PPM1B: variants seen among roughly 807,000 people sequenced by gnomAD.
PPM1B encodes the protein protein phosphatase 1B.
PPM1B carries 22 observed loss-of-function variants against 43.0 expected under a neutral mutation model. That is an observed-to-expected ratio of 0.51 (90% CI 0.37 to 0.73). The LOEUF (loss-of-function observed/expected upper bound fraction) is 0.73, where lower values mean the gene tolerates loss of function less well. PPM1B is among the 30% of genes least tolerant of loss of function. The pLI, the probability that PPM1B is intolerant of heterozygous loss-of-function variation, is 0.00. For missense variants in PPM1B, 632 were observed against 584.2 expected (o/e 1.08, Z -0.84); for synonymous variants, 217 against 197.9 (o/e 1.10, Z -0.81).
At chr2:44,228,040 G>C (rs1365807648) in intron 5 of PPM1B, among the ~76,000 whole-genome samples, 2 of 149,724 alleles carry the variant, frequency 1.3e-5, no homozygotes, top group East Asian at 2.0e-4. Context: ...TCCTGCCTCA[G>C]CCTCCCGGAG....
chr2:44,220,175 A>C (rs1669908746), intron 5 of PPM1B, among the ~76,000 whole-genome samples: 1 of 151,968 alleles, frequency 6.6e-6, no homozygotes, highest in Non-Finnish European at 1.5e-5. Flanking sequence ...CTCAGAAGAC[A>C]GTTATTGATT....
At position 44,231,096 on chromosome 2, in the gene PPM1B, A is replaced by G. The variant is rs935633255; in HGVS notation, c.*378A>G. 3.3e-6 allele frequency: 3 copies of G among 906,566 alleles called. No homozygotes were observed. Among genetic ancestry groups the G allele is most frequent in the South Asian group, 5.1e-5 (1 of 19,790 alleles). The allele number at this position is 906,566 out of a possible 1,614,324, so 56.2% of individuals were successfully genotyped here. On this transcript the variant is annotated 3_prime_UTR_variant, in exon 6 of 6. Transcript: ENST00000282412. ...TATACTGCTTCATATTATTTTACCT[A>G]TTAGTACACTCATAGTTAGCTTTGT...
intron 1 of PPM1B, among the ~76,000 whole-genome samples, chr2:44,187,215 A>G (rs10177391): frequency 0.026 from 3,924 of 152,286 alleles, 177 homozygotes; most frequent in African/African-American, 0.088. Context: ...CATGTTGTCC[A>G]TGTTGTAGCA....
rs1186645532 is a variant in PPM1B, at chr2:44,230,555, A to G, written c.1277A>G (p.Glu426Gly). 1.2e-6 allele frequency: 2 copies of G among 1,614,162 alleles called. No homozygotes were observed. The highest frequency in any genetic ancestry group is 4.5e-5 in the East Asian group (2 of 44,874). ...TACAGGCTAGCTAAAGTAGAGGGAG[A>G]AGAAAGCCCTGCTGAACCAGCTGCC... ...TSYRLAKVEG[E>G]ESPAEPAATA... Residue 426 changes from glutamate (E) to glycine (G), a missense_variant, in exon 6 of 6, where the codon GAA (glutamate) becomes GGA (glycine). Glu to Gly is a moderately conservative substitution (Grantham distance 98, BLOSUM62 -2). Around this residue, in one of 3 missense-constraint regions of PPM1B, gnomAD observed 392 missense variants for 302.7 expected, o/e 1.29. Transcript: ENST00000282412.
rs1298660828 is a variant in PPM1B, at chr2:44,192,165, T to TTTATG, written c.-14-9000_-14-8996dup. On this transcript the variant is annotated intron_variant, in intron 1 of 5. Coordinates refer to ENST00000282412, the MANE Select transcript of PPM1B (RefSeq NM_002706.6). Reference sequence around the variant, plus strand: ...TTTCTGTCATTTTAATTATTTTTATTTTATGTTATGTTATGTTATGTTATG... The same window carrying TTTATG: ...TTTCTGTCATTTTAATTATTTTTATTTTATGTTATGTTATGTTATGTTATGTTATG... Among the ~76,000 whole-genome samples, 301 of 135,746 alleles carry TTTATG rather than the reference T, an allele frequency of 2.2e-3. 3 individuals carry two copies. Among genetic ancestry groups the TTTATG allele is most frequent in the African/African-American group, 7.6e-3 (271 of 35,728 alleles). 89.1% of individuals were successfully genotyped at this position (135,746 alleles called of 152,430 possible).
chr2:44,192,190 G>GTATTGTATTGTATT (rs1553329837), intron 1 of PPM1B, among the ~76,000 whole-genome samples: 3 of 143,542 alleles, frequency 2.1e-5, no homozygotes, highest in Non-Finnish European at 4.5e-5. Context: ...GTTATGTTAT[G>GTATTGTATTGTATT]GTATTGTATT....
chr2:44,217,935 T>G, intron 3 of PPM1B, 32 bp from the exon 4 acceptor site: 2 of 1,466,232 alleles, frequency 1.4e-6, no homozygotes, highest in South Asian at 2.6e-5. Context: ...CTTATCACAT[T>G]AATTTAGGAA....
intron 1 of PPM1B, among the ~76,000 whole-genome samples, chr2:44,189,821 A>G (rs1156572746): frequency 1.3e-5 from 2 of 152,146 alleles, no homozygotes; most frequent in African/African-American, 2.4e-5. Flanking sequence ...AAGGCTTTTG[A>G]TATCTCTACC....
chr2:44,186,513 C>T (rs750051564), intron 1 of PPM1B, among the ~76,000 whole-genome samples: 7 of 152,050 alleles, frequency 4.6e-5, no homozygotes, highest in East Asian at 1.9e-4. Flanking sequence ...GGGCTACAGG[C>T]GCACACCACC....
In PPM1B at chr2:44,188,747, CTTCCTTCCTTCCTTCT is replaced by C. The variant is rs373262424; in HGVS notation, c.-14-12423_-14-12408del. On this transcript the variant is annotated intron_variant, in intron 1 of 5. Transcript: ENST00000282412. The stretch of plus-strand genomic sequence containing the variant: ...CCTTCCTTCCTTCCTTCTTTCCTTC[CTTCCTTCCTTCCTTCT>C]TTCCTTCCTTCCTTCCTTCCCTCCT... 4.3e-4 allele frequency among the ~76,000 whole-genome samples: 64 copies of C among 148,316 alleles called. 1 individual carries two copies. The South Asian group carries it at 8.2e-3, about 19-fold the overall frequency.
chr2:44,211,067 T>G (rs1290262297), intron 3 of PPM1B, among the ~76,000 whole-genome samples: 1 of 151,852 alleles, frequency 6.6e-6, no homozygotes, highest in Non-Finnish European at 1.5e-5. Context: ...ACCTGGAAGG[T>G]GGAGATTGCA....
At position 44,230,398 on chromosome 2, in the gene PPM1B, GA is replaced by G; in HGVS notation, c.1135-13del. On this transcript the variant is annotated splice_polypyrimidine_tract_variant and intron_variant, in intron 5 of 5. Coordinates refer to ENST00000282412, the MANE Select transcript of PPM1B (RefSeq NM_002706.6). ...GTTTGTCTACTGACACTGGGGTCTT[GA>G]ATCTTAAAAAAAGGCCTCCGATGAA... The G allele has an allele frequency of 2.5e-6, 4 of 1,611,748 alleles. No individual in the cohort carries two copies. The highest frequency in any genetic ancestry group is 3.4e-6 in the Non-Finnish European group (4 of 1,178,914).
intron 1 of PPM1B, among the ~76,000 whole-genome samples, chr2:44,193,433 A>T (rs1668501438): frequency 6.6e-6 from 1 of 151,210 alleles, no homozygotes; most frequent in African/African-American, 2.5e-5. Flanking sequence ...ACATGTTGTC[A>T]CTCTGTTACC....
intron 2 of PPM1B, among the ~76,000 whole-genome samples, chr2:44,207,449 C>G (rs1173679958): frequency 1.3e-5 from 2 of 152,084 alleles, no homozygotes; most frequent in African/African-American, 4.8e-5. Context: ...ATCGTTATTC[C>G]AAGAACAGTT....
chr2:44,170,410 A>G (rs1311492656), intron 1 of PPM1B, among the ~76,000 whole-genome samples: 1 of 152,376 alleles, frequency 6.6e-6, no homozygotes, highest in East Asian at 1.9e-4. Flanking sequence ...AGTGTTATGT[A>G]GCTATTTTAG....
chr2:44,202,995 G>A (rs1669010779), intron 2 of PPM1B, among the ~76,000 whole-genome samples: 1 of 152,072 alleles, frequency 6.6e-6, no homozygotes, highest in Admixed American at 6.6e-5. Context: ...TAAATAAAGG[G>A]TTTGACTTAT....
intron 5 of PPM1B, among the ~76,000 whole-genome samples, chr2:44,220,791 AG>A (rs1486016179): frequency 6.6e-6 from 1 of 152,248 alleles, no homozygotes; most frequent in Non-Finnish European, 1.5e-5. Context: ...CTGCTTAAGC[AG>A]GGGGAAAGTC....
chr2:44,208,867 C>T (rs1008696175), intron 2 of PPM1B, among the ~76,000 whole-genome samples: 4 of 152,142 alleles, frequency 2.6e-5, no homozygotes, highest in African/African-American at 7.2e-5. Context: ...TGGGAGGATC[C>T]ATTGTGGACT....
chr2:44,230,686 G>A lies in PPM1B; in HGVS notation c.1408G>A (p.Ala470Thr), dbSNP rs769871432. 1.2e-6 allele frequency: 2 copies of A among 1,612,674 alleles called. No individual in the cohort carries two copies. Among genetic ancestry groups the A allele is most frequent in the South Asian group, 2.2e-5 (2 of 90,964 alleles). ...TGAATTAGACAGCTCTAATGAAGATGCAGGGACAAAGATGAGTGGTGAAAA... is the reference window on the plus strand; with the variant it reads ...TGAATTAGACAGCTCTAATGAAGATACAGGGACAAAGATGAGTGGTGAAAA... ...LAELDSSNED[A>T]GTKMSGEKI The change falls in exon 6 of 6, where the codon GCA becomes ACA. Residue 470 changes from alanine to threonine, a missense_variant. Coordinates refer to ENST00000282412, the MANE Select transcript of PPM1B (RefSeq NM_002706.6).
Sources: allele counts gnomAD v4.1 joint callset (sites outside exome capture counted in the v4.1 genomes callset), GRCh38; gene constraint gnomAD v4.1.1; regional missense constraint gnomAD v4.1.1; transcripts MANE v1.5; gene names NCBI Gene and HGNC (gene_info 2026-07-23, HGNC 2026-07-21).